Variants in LRRC24 observed in about 807,000 individuals in gnomAD.
The protein encoded by LRRC24 is leucine-rich repeat-containing protein 24.
LRRC24 carries 19 observed loss-of-function variants against 15.3 expected under a neutral mutation model. The ratio of observed to expected loss-of-function variants is 1.25; its 90% CI spans 0.87 to 1.83. The LOEUF is 1.83. Among genes scored for constraint, LRRC24 ranks in the 40% most tolerant of loss-of-function variants. The pLI is 0.00. For missense variants in LRRC24, 914 were observed against 723.9 expected (o/e 1.26, Z -3.01); for synonymous variants, 469 against 359.6 (o/e 1.30, Z -3.44).
chr8:144,523,254 G>A lies in LRRC24; in HGVS notation c.763C>T (p.Leu255Phe), dbSNP rs1223372128. 2 of 1,610,530 alleles carry A rather than the reference G, an allele frequency of 1.2e-6. No homozygotes were observed. Among genetic ancestry groups the A allele is most frequent in the East Asian group, 2.2e-5 (1 of 44,768 alleles). ...TGGACAGAGGGCGGAATGCAGATGAGGCTGCTGTGGGATACGTCCAGGAGA... is the reference window on the plus strand; with the variant it reads ...TGGACAGAGGGCGGAATGCAGATGAAGCTGCTGTGGGATACGTCCAGGAGA... Reference protein sequence around the residue: ...QSLLDVSHSSLICIPPSVHVQ... With the variant: ...QSLLDVSHSSFICIPPSVHVQ... The change falls in exon 5 of 5, where the codon CTC becomes TTC. Residue 255 changes from leucine to phenylalanine, a missense_variant. Leu to Phe is a conservative substitution (Grantham distance 22). Transcript: ENST00000529415.
intron 1 of LRRC24, chr8:144,526,193 G>A (rs551306980): frequency 6.6e-6 from 1 of 152,360 alleles, no homozygotes; most frequent in East Asian, 1.9e-4. Flanking sequence ...TAACTCACAT[G>A]ATTATTTAAA....
chr8:144,523,592 C>G, intron 4 of LRRC24, 183 bp from the exon 5 acceptor site: 6 of 899,536 alleles, frequency 6.7e-6, no homozygotes, highest in Non-Finnish European at 9.2e-6. Context: ...GCCCTTCACC[C>G]TCGCCCCCCT....
chr8:144,524,562 G>A lies in LRRC24; in HGVS notation c.317C>T (p.Thr106Ile), dbSNP rs745706402. 9 of 1,568,542 alleles carry A rather than the reference G, an allele frequency of 5.7e-6. No individual in the cohort carries two copies. Among genetic ancestry groups the A allele is most frequent in the African/African-American group, 1.3e-5 (1 of 74,190 alleles). The change falls in exon 3 of 5, where the codon ACT becomes ATT. Residue 106 changes from threonine to isoleucine, a missense_variant. Transcript: ENST00000529415. ...GCGCAAGCCGCGCAGCCGGTTGCTA[G>A]TGAGCGCCAGCTCCAGCAGGCGCGG... The part of the protein sequence containing the change: ...AQPRLLELAL[T>I]SNRLRGLRSG...
Position 144,524,570 on chromosome 8 carries a change from C to T in LRRC24, c.309G>A (p.Leu103=), listed in dbSNP as rs754377715. 1 of 1,557,776 alleles carries T rather than the reference C, an allele frequency of 6.4e-7. No homozygotes were observed. Among genetic ancestry groups the T allele is most frequent in the Admixed American group, 1.9e-5 (1 of 52,160 alleles). ...AFRAQPRLLE[L]ALTSNRLRGL... is the part of the protein sequence containing the mutation. ...CGCGCAGCCGGTTGCTAGTGAGCGC[C>T]AGCTCCAGCAGGCGCGGCTGCGCGC... Residue 103 remains leucine, a synonymous_variant, in exon 3 of 5, where the codon CTG becomes CTA. Transcript: ENST00000529415.
rs1264120186 is a variant in LRRC24, at chr8:144,524,315, G to C, written c.439-37C>G. ...ACAGCAGATCGTGAGGAAAAAGGGC[G>C]CCGAGGTTGGGGGCATGTCTCTCTT... On this transcript the variant is annotated intron_variant, in intron 3 of 4. Transcript: ENST00000529415. 6.9e-6 allele frequency: 11 copies of C among 1,604,668 alleles called. No homozygotes were observed. The South Asian group carries it at 1.1e-4, about 16-fold the overall frequency.
chr8:144,523,474 G>A, intron 4 of LRRC24, 65 bp from the exon 5 acceptor site: 2 of 1,487,818 alleles, frequency 1.3e-6, no homozygotes, highest in Non-Finnish European at 1.8e-6. Context: ...TGCAGTTGGG[G>A]TTTTGCAGGC....
chr8:144,522,802 C>G lies in LRRC24; in HGVS notation c.1215G>C (p.Thr405=), dbSNP rs200824472. 1.3e-3 allele frequency: 2,025 copies of G among 1,538,116 alleles called. No homozygotes were observed. Among genetic ancestry groups the G allele is most frequent in the Non-Finnish European group, 1.7e-3 (1,943 of 1,147,120 alleles). The change falls in exon 5 of 5, where the codon ACG becomes ACC. Residue 405 remains threonine, a synonymous_variant. Coordinates refer to ENST00000529415, the MANE Select transcript of LRRC24 (RefSeq NM_001024678.4). ...GCAGCGCGATGGCCGCCGCAATGGC[C>G]GTCTGTGTGGCCACGCCCAGGGCGC... is the stretch of plus-strand genomic sequence containing the variant. ...AFRALGVATQ[T]AIAAAIALLA... is the part of the protein sequence containing the mutation.
chr8:144,524,909 G>C lies in LRRC24; in HGVS notation c.66C>G (p.Gly22=). 1 of 1,514,664 alleles carries C rather than the reference G, an allele frequency of 6.6e-7. No homozygotes were observed. Among genetic ancestry groups the C allele is most frequent in the South Asian group, 1.2e-5 (1 of 82,776 alleles). The allele number at this position is 1,514,664 out of a possible 1,614,324, so 93.8% of individuals were successfully genotyped here. The change falls in exon 2 of 5, where the codon GGC becomes GGG. Residue 22 remains glycine (G), a synonymous_variant. Transcript: ENST00000529415. ...LLLLLPLRAA[G]CPAACRCYSA... is the part of the protein sequence containing the mutation. ...TGTAGCAGCGGCAGGCTGCTGGGCA[G>C]CCGGCGGCGCGGAGCGGCAGTAGTA...
rs766584717 is a variant in LRRC24 at position 144,523,074 on chromosome 8, G to T, written c.943C>A (p.Leu315Met). 1.2e-6 allele frequency: 2 copies of T among 1,607,620 alleles called. No individual in the cohort carries two copies. The highest frequency in any genetic ancestry group is 2.7e-5 in the African/African-American group (2 of 74,814). ...RAQAQLEGGL[L>M]GLGGHSASDT... is the part of the protein sequence containing the mutation. ...GATGCCGAGTGTCCGCCCAGGCCCA[G>T]CAACCCGCCTTCTAGCTGGGCCTGG... Residue 315 changes from leucine (L) to methionine (M), a missense_variant, in exon 5 of 5, where the codon CTG becomes ATG. Coordinates refer to ENST00000529415, the MANE Select transcript of LRRC24 (RefSeq NM_001024678.4).
chr8:144,522,742 G>T lies in LRRC24; in HGVS notation c.1275C>A (p.Ile425=), dbSNP rs369217339. The T allele has an allele frequency of 1.9e-6, 3 of 1,588,744 alleles. No homozygotes were observed. The highest frequency in any genetic ancestry group is 2.6e-6 in the Non-Finnish European group (3 of 1,169,532). The change falls in exon 5 of 5, where the codon ATC becomes ATA. Residue 425 remains isoleucine (I), a synonymous_variant. Coordinates refer to ENST00000529415, the MANE Select transcript of LRRC24 (RefSeq NM_001024678.4). ...ALTALLLVAM[I]CRRRRRRKKA... is the part of the protein sequence containing the mutation. ...TTTTTCGCCTGCGGCGCCGGCGACA[G>T]ATCATGGCGACCAGGAGCAGCGCCG...
At position 144,524,667 on chromosome 8, in the gene LRRC24, G is replaced by C. The variant is rs1271511819; in HGVS notation, c.212C>G (p.Ala71Gly). ...NIARLEPGALAPLAALRRLYL... is the reference protein window; with the variant it reads ...NIARLEPGALGPLAALRRLYL... ...GAGCCGGCGCAGAGCGGCGAGTGGC[G>C]CCAGGGCTCCCGGCTCTAGGCGGGC... Residue 71 changes from alanine (A) to glycine (G), a missense_variant, in exon 3 of 5, where the codon GCG becomes GGG. Coordinates refer to ENST00000529415, the MANE Select transcript of LRRC24 (RefSeq NM_001024678.4). 2 of 1,488,386 alleles carry C rather than the reference G, an allele frequency of 1.3e-6. No individual in the cohort carries two copies. The highest frequency in any genetic ancestry group is 1.8e-6 in the Non-Finnish European group (2 of 1,129,996). The allele number at this position is 1,488,386 out of a possible 1,614,324, so 92.2% of individuals were successfully genotyped here.
intron 4 of LRRC24, chr8:144,523,649 C>T (rs1487987897): frequency 3.9e-6 from 2 of 517,070 alleles, no homozygotes; most frequent in Non-Finnish European, 6.2e-6. Context: ...ACTTCTCCGT[C>T]GGTCTCTGAG....
Position 144,523,000 on chromosome 8 carries a change from G to A in LRRC24, c.1017C>T (p.His339=). ...AGGCCTCGCACTCGTACTTACCGGCGTGCGCCAGCGTGATGTTGCTGAGGA... is the reference window on the plus strand; with the variant it reads ...AGGCCTCGCACTCGTACTTACCGGCATGCGCCAGCGTGATGTTGCTGAGGA... ...MLFLSNITLA[H]AGKYECEASN... Residue 339 remains histidine, a synonymous_variant, in exon 5 of 5, where the codon CAC becomes CAT. Coordinates refer to ENST00000529415, the MANE Select transcript of LRRC24 (RefSeq NM_001024678.4). The A allele has an allele frequency of 1.3e-6, 2 of 1,595,652 alleles. No homozygotes were observed. Among genetic ancestry groups the A allele is most frequent in the Non-Finnish European group, 8.5e-7 (1 of 1,174,758 alleles).
At chr8:144,525,573 C>G (rs1816332694) in intron 1 of LRRC24, among the ~76,000 whole-genome samples, 1 of 152,182 alleles carries the variant, frequency 6.6e-6, no homozygotes, top group Non-Finnish European at 1.5e-5. Context: ...GAGCTACGAG[C>G]CCCAGGGAAG....
intron 4 of LRRC24, 129 bp from the exon 5 acceptor site, chr8:144,523,538 G>C: frequency 7.3e-7 from 1 of 1,361,746 alleles, no homozygotes. Flanking sequence ...GGAGTCCAAG[G>C]CCCTGCCACC....
Position 144,522,416 on chromosome 8 carries a change from C to G in LRRC24, c.*59G>C. 2 of 1,376,230 alleles carry G rather than the reference C, an allele frequency of 1.5e-6. No individual in the cohort carries two copies. The highest frequency in any genetic ancestry group is 1.9e-6 in the Non-Finnish European group (2 of 1,072,838). The allele number at this position is 1,376,230 out of a possible 1,614,324, so 85.3% of individuals were successfully genotyped here. Reference sequence around the variant, plus strand: ...GCGGCTTCCACCTTTACTGACGGAGCATGCGCGAGGCCGCACCGGCCAATC... The same window carrying G: ...GCGGCTTCCACCTTTACTGACGGAGGATGCGCGAGGCCGCACCGGCCAATC... On this transcript the variant is annotated 3_prime_UTR_variant, in exon 5 of 5. Coordinates refer to ENST00000529415, the MANE Select transcript of LRRC24 (RefSeq NM_001024678.4).
In LRRC24 at chr8:144,522,407, C is replaced by T; in HGVS notation, c.*68G>A. ...GCACACTGCGCGGCTTCCACCTTTACTGACGGAGCATGCGCGAGGCCGCAC... is the reference window on the plus strand; with the variant it reads ...GCACACTGCGCGGCTTCCACCTTTATTGACGGAGCATGCGCGAGGCCGCAC... On this transcript the variant is annotated 3_prime_UTR_variant, in exon 5 of 5. Transcript: ENST00000529415. 1 of 1,369,936 alleles carries T rather than the reference C, an allele frequency of 7.3e-7. No individual in the cohort carries two copies. 84.9% of individuals were successfully genotyped at this position (1,369,936 alleles called of 1,614,324 possible). A position where few individuals can be genotyped will look rare whatever the true frequency, so the allele number is the denominator to read the frequency against.
chr8:144,523,752 C>T (rs1816229456), intron 4 of LRRC24: 2 of 416,114 alleles, frequency 4.8e-6, no homozygotes, highest in Middle Eastern at 6.0e-4. Flanking sequence ...ACTGAAACCT[C>T]ACAAGTCCTC....
Position 144,522,533 on chromosome 8 carries a change from T to C in LRRC24, c.1484A>G (p.Gln495Arg), listed in dbSNP as rs1040475173. ...CACGCGGAGTCCCGGCCCCGCCCCC[T>C]GTTCCGGGCCGCAGTCAGCGGGCGC... is the stretch of plus-strand genomic sequence containing the variant. Reference protein sequence around the residue: ...AEAPADCGPEQGAGPGLRVPP... With the variant: ...AEAPADCGPERGAGPGLRVPP... Residue 495 changes from glutamine to arginine, a missense_variant, in exon 5 of 5, where the codon CAG becomes CGG. Physicochemically the swap from Gln to Arg is conservative, Grantham distance 43. Coordinates refer to ENST00000529415, the MANE Select transcript of LRRC24 (RefSeq NM_001024678.4). 2 of 1,520,688 alleles carry C rather than the reference T, an allele frequency of 1.3e-6. No homozygotes were observed. Among genetic ancestry groups the C allele is most frequent in the South Asian group, 1.2e-5 (1 of 81,044 alleles). The allele number at this position is 1,520,688 out of a possible 1,614,324, so 94.2% of individuals were successfully genotyped here. A position where few individuals can be genotyped will look rare whatever the true frequency, so the allele number is the denominator to read the frequency against.
Sources: allele counts gnomAD v4.1 joint callset (sites outside exome capture counted in the v4.1 genomes callset), GRCh38; gene constraint gnomAD v4.1.1; transcripts MANE v1.5; gene names NCBI Gene and HGNC (gene_info 2026-07-23, HGNC 2026-07-21).